Variants in PKD2 observed in about 807,000 individuals in gnomAD.
PKD2 encodes the protein polycystin-2.
A neutral mutation model predicts 105.9 loss-of-function variants in PKD2; 48 were observed. The ratio of observed to expected loss-of-function variants is 0.45; its 90% CI spans 0.36 to 0.58. The LOEUF (loss-of-function observed/expected upper bound fraction) is 0.58. Among genes scored for constraint, PKD2 ranks in the 20% least tolerant of loss-of-function variants. The pLI is 0.00. For synonymous variants in PKD2, 464 were observed against 481.1 expected, an observed-to-expected ratio of 0.96 and a Z score of 0.46; for missense variants, 1,078 against 1,255.3, an observed-to-expected ratio of 0.86 and a Z score of 2.13.
intron 1 of PKD2, among the ~76,000 whole-genome samples, chr4:88,013,368 T>C (rs1726449399): frequency 6.6e-6 from 1 of 152,044 alleles, no homozygotes. Flanking sequence ...AACAGAGGTA[T>C]AAGTAAGTCA....
chr4:88,068,289 T>C (rs911157385), intron 13 of PKD2, among the ~76,000 whole-genome samples: 1 of 152,060 alleles, frequency 6.6e-6, no homozygotes, highest in African/African-American at 2.4e-5. Context: ...GCCAACATAG[T>C]GAAACCCCAT....
chr4:88,074,487 A>G (rs532438536), intron 13 of PKD2, among the ~76,000 whole-genome samples: 1 of 152,198 alleles, frequency 6.6e-6, no homozygotes, highest in African/African-American at 2.4e-5. Context: ...CGCGATTAAG[A>G]AGCAGCACTC....
chr4:88,051,517 A>G (rs1426806759), intron 6 of PKD2, among the ~76,000 whole-genome samples: 1 of 152,228 alleles, frequency 6.6e-6, no homozygotes, highest in Non-Finnish European at 1.5e-5. Context: ...TAAACAGAGC[A>G]AAGAATGGCT....
intron 1 of PKD2, among the ~76,000 whole-genome samples, chr4:88,017,350 T>G (rs1163030218): frequency 6.6e-6 from 1 of 152,226 alleles, no homozygotes; most frequent in Non-Finnish European, 1.5e-5. Flanking sequence ...TTCTTTCCAT[T>G]TGCAATGTTT....
chr4:88,017,738 G>GT (rs575216583), intron 1 of PKD2, among the ~76,000 whole-genome samples: 69 of 152,182 alleles, frequency 4.5e-4, no homozygotes, highest in Admixed American at 4.3e-3. Context: ...ATAGGAGTTT[G>GT]TTTTTTTCTA....
chr4:88,023,082 C>T (rs1312540595), intron 2 of PKD2, among the ~76,000 whole-genome samples: 1 of 151,156 alleles, frequency 6.6e-6, no homozygotes, highest in Non-Finnish European at 1.5e-5. Flanking sequence ...AAGACCCTGT[C>T]TCAAAAAATA....
chr4:88,017,233 C>T (rs1254967886), intron 1 of PKD2, among the ~76,000 whole-genome samples: 1 of 152,030 alleles, frequency 6.6e-6, no homozygotes, highest in Non-Finnish European at 1.5e-5. Context: ...TGTGATCGTA[C>T]CACTACACTC....
chr4:88,071,439 G>T (rs999969218), intron 13 of PKD2, among the ~76,000 whole-genome samples: 2 of 149,710 alleles, frequency 1.3e-5, no homozygotes, highest in African/African-American at 4.9e-5. Context: ...GTACCTTCAG[G>T]TCTTTGTCTG....
chr4:88,019,568 A>G lies in PKD2; in HGVS notation c.706A>G (p.Ile236Val). 7 of 1,447,658 alleles carry G rather than the reference A, an allele frequency of 4.8e-6. No individual in the cohort carries two copies. Among genetic ancestry groups the G allele is most frequent in the Non-Finnish European group, 6.8e-6 (7 of 1,027,920 alleles). The allele number at this position is 1,447,658 out of a possible 1,614,324, so 89.7% of individuals were successfully genotyped here. Residue 236 changes from isoleucine (I) to valine (V), a missense_variant, in exon 2 of 15, where the codon ATC becomes GTC. This residue lies in a region of PKD2 where 868 missense variants were observed against 1,067.3 expected (regional missense o/e 0.81). Coordinates refer to ENST00000237596, the MANE Select transcript of PKD2 (RefSeq NM_000297.4). ...TYLLFLIVLCILTYGMMSSNV... is the reference protein window; with the variant it reads ...TYLLFLIVLCVLTYGMMSSNV... ...CCTCCTTTTTCTCATAGTCTTGTGC[A>G]TCTGTAAGTAGAATATTTCCTTGCA...
intron 9 of PKD2, 58 bp downstream of exon 9, chr4:88,058,161 C>T (rs749305174): frequency 9.5e-7 from 1 of 1,050,418 alleles, no homozygotes; most frequent in Non-Finnish European, 1.5e-6. Flanking sequence ...TCCTTGTCTT[C>T]TCTTTTCTCT....
In PKD2 at chr4:88,065,749, T is replaced by C. The variant is rs1460965971; in HGVS notation, c.2241-13T>C. 1.9e-6 allele frequency: 3 copies of C among 1,553,628 alleles called. No individual in the cohort carries two copies. Among genetic ancestry groups the C allele is most frequent in the African/African-American group, 1.4e-5 (1 of 73,704 alleles). On this transcript the variant is annotated splice_polypyrimidine_tract_variant and intron_variant, in intron 11 of 14. Transcript: ENST00000237596. ...AGGAATGATTTTTATCTGTATCCTC[T>C]CTCTAATTTCAGGAAGGGCCATACT...
At chr4:88,049,465 GT>G (rs2110118968) in intron 6 of PKD2, among the ~76,000 whole-genome samples, 1 of 152,190 alleles carries the variant, frequency 6.6e-6, no homozygotes, top group East Asian at 1.9e-4. Flanking sequence ...GCTTCACTGT[GT>G]TTTTCAATTT....
chr4:88,051,746 A>G (rs1018610363), intron 6 of PKD2, among the ~76,000 whole-genome samples: 20 of 152,190 alleles, frequency 1.3e-4, no homozygotes, highest in Non-Finnish European at 2.8e-4. Flanking sequence ...ACACACATGC[A>G]TGCATGCCTT....
At chr4:88,049,931 A>G (rs1156948050) in intron 6 of PKD2, among the ~76,000 whole-genome samples, 1 of 151,976 alleles carries the variant, frequency 6.6e-6, no homozygotes, top group Non-Finnish European at 1.5e-5. Context: ...TTTAAACTCA[A>G]ATAATTTATT....
At chr4:88,045,080 T>C (rs1382917602) in intron 5 of PKD2, among the ~76,000 whole-genome samples, 1 of 152,250 alleles carries the variant, frequency 6.6e-6, no homozygotes, top group African/African-American at 2.4e-5. Flanking sequence ...ATTCTATTTA[T>C]AGAAGGTCTT....
At chr4:88,064,566 G>C (rs1426922475) in intron 10 of PKD2, among the ~76,000 whole-genome samples, 1 of 152,120 alleles carries the variant, frequency 6.6e-6, no homozygotes, top group Non-Finnish European at 1.5e-5. Flanking sequence ...GCCGCACTAT[G>C]TGCAAAGCAA....
rs763629363 is a variant in PKD2 at position 88,007,929 on chromosome 4, G to C, written c.196G>C (p.Asp66His). 1.4e-5 allele frequency: 20 copies of C among 1,448,296 alleles called. No homozygotes were observed. In the South Asian group the frequency reaches 1.7e-4, roughly 12 times the overall value. 89.7% of individuals were successfully genotyped at this position (1,448,296 alleles called of 1,614,324 possible). A position where few individuals can be genotyped will look rare whatever the true frequency, so the allele number is the denominator to read the frequency against. Reference sequence around the variant, plus strand: ...GCGCATCCGGCAGGCGGCCGCGCGGGACCCCCCGGCCGGAGCCGCGGCCTC... The same window carrying C: ...GCGCATCCGGCAGGCGGCCGCGCGGCACCCCCCGGCCGGAGCCGCGGCCTC... ...MQRIRQAAARDPPAGAAASPS... is the reference protein window; with the variant it reads ...MQRIRQAAARHPPAGAAASPS... Residue 66 changes from aspartate (D) to histidine (H), a missense_variant, in exon 1 of 15, where the codon GAC (aspartate) becomes CAC (histidine). Around this residue, in one of 2 missense-constraint regions of PKD2, gnomAD observed 210 missense variants for 187.9 expected, o/e 1.12. Transcript: ENST00000237596.
intron 13 of PKD2, among the ~76,000 whole-genome samples, chr4:88,072,237 C>T (rs1316083071): frequency 6.6e-6 from 1 of 152,062 alleles, no homozygotes; most frequent in Non-Finnish European, 1.5e-5. Context: ...CCCACCTCAG[C>T]CTCACAAAAG....
chr4:88,023,583 A>G (rs1726844275), intron 2 of PKD2, among the ~76,000 whole-genome samples: 1 of 152,202 alleles, frequency 6.6e-6, no homozygotes, highest in Non-Finnish European at 1.5e-5. Context: ...TTTGCATCAG[A>G]CAGACCTGAG....
Sources: allele counts gnomAD v4.1 joint callset (sites outside exome capture counted in the v4.1 genomes callset), GRCh38; gene constraint gnomAD v4.1.1; regional missense constraint gnomAD v4.1.1; transcripts MANE v1.5; gene names NCBI Gene and HGNC (gene_info 2026-07-23, HGNC 2026-07-21).